TMEM132D: variants seen among roughly 807,000 people sequenced by gnomAD.
TMEM132D encodes the protein mature OL transmembrane protein.
A neutral mutation model predicts 62.3 loss-of-function variants in TMEM132D; 21 were observed. That is an observed-to-expected ratio of 0.34 (90% CI 0.24 to 0.49). The LOEUF (loss-of-function observed/expected upper bound fraction) is 0.49. TMEM132D is among the 20% of genes least tolerant of loss of function. The pLI, the probability that TMEM132D is intolerant of heterozygous loss-of-function variation, is 0.99. For missense variants in TMEM132D, 1,346 were observed against 1,402.8 expected (o/e 0.96, Z 0.65); for synonymous variants, 621 against 575.6 (o/e 1.08, Z -1.13).
rs567495467 is a variant in TMEM132D at position 129,514,485 on chromosome 12, C to T, written c.1115+16574G>A. On this transcript the variant is annotated intron_variant, in intron 3 of 8. Transcript: ENST00000422113. ...ATTGAAGGGCTAGATTTTTATGTTG[C>T]GTGTAGAGCACAGGGGATTCTTAGA... Among the ~76,000 whole-genome samples the T allele has an allele frequency of 1.4e-4, 22 of 152,258 alleles. No individual in the cohort carries two copies. In the South Asian group the frequency reaches 3.9e-3, roughly 27 times the overall value.
chr12:129,226,738 A>C (rs1879490030), intron 4 of TMEM132D, among the ~76,000 whole-genome samples: 1 of 152,154 alleles, frequency 6.6e-6, no homozygotes, highest in Non-Finnish European at 1.5e-5. Context: ...GTGAAGTTTG[A>C]ACAAACACAT....
At chr12:129,159,853 G>C (rs1300316129) in intron 5 of TMEM132D, among the ~76,000 whole-genome samples, 1 of 152,032 alleles carries the variant, frequency 6.6e-6, no homozygotes, top group South Asian at 2.1e-4. Context: ...GAGGGAGGCT[G>C]CCTCCTCCAC....
chr12:129,490,854 C>T (rs1033114300), intron 3 of TMEM132D, among the ~76,000 whole-genome samples: 25 of 151,850 alleles, frequency 1.6e-4, no homozygotes, highest in African/African-American at 6.0e-4. Context: ...TAGTCTGTGC[C>T]CCCGTTTGCC....
At chr12:129,421,637 C>A (rs1032434624) in intron 3 of TMEM132D, among the ~76,000 whole-genome samples, 3 of 152,194 alleles carry the variant, frequency 2.0e-5, no homozygotes, top group South Asian at 4.1e-4. Flanking sequence ...GCCCTGATGT[C>A]CTAATGTTGA....
At chr12:129,253,867 C>G (rs1346378928) in intron 4 of TMEM132D, among the ~76,000 whole-genome samples, 2 of 152,076 alleles carry the variant, frequency 1.3e-5, no homozygotes, top group East Asian at 1.9e-4. Context: ...AATACAGGCA[C>G]AGTAGCAAAA....
chr12:129,400,022 A>G (rs1364259128), intron 3 of TMEM132D, among the ~76,000 whole-genome samples: 1 of 152,128 alleles, frequency 6.6e-6, no homozygotes, highest in Admixed American at 6.5e-5. Context: ...CATTATGCAA[A>G]AAGAAAAATT....
intron 3 of TMEM132D, among the ~76,000 whole-genome samples, chr12:129,453,597 G>A (rs934123993): frequency 2.0e-5 from 3 of 152,208 alleles, no homozygotes; most frequent in African/African-American, 7.2e-5. Flanking sequence ...TTGTATTGAG[G>A]ATGTGCTGTC....
intron 3 of TMEM132D, among the ~76,000 whole-genome samples, chr12:129,357,366 GAA>G (rs1360919987): frequency 6.7e-6 from 1 of 148,820 alleles, no homozygotes; most frequent in Non-Finnish European, 1.5e-5. Flanking sequence ...AAGCAAGAGA[GAA>G]AGGAAGGAGG....
At chr12:129,805,173 C>T (rs1300337864) in intron 1 of TMEM132D, among the ~76,000 whole-genome samples, 3 of 151,518 alleles carry the variant, frequency 2.0e-5, no homozygotes, top group Non-Finnish European at 2.9e-5. Flanking sequence ...CCTTTCTTCA[C>T]AGAATTGGAA....
At position 129,284,834 on chromosome 12, in the gene TMEM132D, T is replaced by A. The variant is rs563279400; in HGVS notation, c.1299+52800A>T. On this transcript the variant is annotated intron_variant, in intron 4 of 8. Transcript: ENST00000422113. ...ACCAGACACAAAAGGTTGCATATTG[T>A]GTGATTCAATTTGTAGGAAATATCT... Among the ~76,000 whole-genome samples the A allele has an allele frequency of 1.1e-3, 167 of 152,324 alleles. 1 individual carries two copies. Among genetic ancestry groups the A allele is most frequent in the African/African-American group, 3.9e-3 (162 of 41,578 alleles).
In TMEM132D at chr12:129,867,241, C is replaced by CA. The variant is rs541859255; in HGVS notation, c.79+36019dup. On this transcript the variant is annotated intron_variant, in intron 1 of 8. Transcript: ENST00000422113. The surrounding 1 kb of genome is among the most constrained non-coding windows in gnomAD (Gnocchi z 4.5). ...TGCCACTGCACTCCAGCCTGGGTGA[C>CA]AGAGCCAGACTCTGTCTCAAAAAAA... 5.9e-4 allele frequency among the ~76,000 whole-genome samples: 89 copies of CA among 152,062 alleles called. No individual in the cohort carries two copies. Among genetic ancestry groups the CA allele is most frequent in the Admixed American group, 1.6e-3 (25 of 15,270 alleles).
intron 1 of TMEM132D, among the ~76,000 whole-genome samples, chr12:129,767,812 AC>A (rs1461198386): frequency 4.0e-4 from 61 of 152,322 alleles, no homozygotes; most frequent in African/African-American, 1.4e-3. Context: ...GCTGATAAAG[AC>A]ATAAAGATTT....
At chr12:129,601,369 C>T (rs1347123209) in intron 2 of TMEM132D, among the ~76,000 whole-genome samples, 1 of 152,230 alleles carries the variant, frequency 6.6e-6, no homozygotes, top group Non-Finnish European at 1.5e-5. Context: ...TTCTCCATAT[C>T]AGCAAGAAGG....
intron 3 of TMEM132D, among the ~76,000 whole-genome samples, chr12:129,451,579 C>T (rs1486253858): frequency 6.6e-6 from 1 of 152,050 alleles, no homozygotes; most frequent in Non-Finnish European, 1.5e-5. Context: ...TATGTGAAGC[C>T]AAAGACTAAA....
chr12:129,472,462 T>A (rs1277508853), intron 3 of TMEM132D, among the ~76,000 whole-genome samples: 2 of 152,070 alleles, frequency 1.3e-5, no homozygotes, highest in African/African-American at 4.8e-5. Context: ...GGGAGAGAAT[T>A]AGGATAAATA....
At chr12:129,678,160 G>A (rs890322327) in intron 2 of TMEM132D, among the ~76,000 whole-genome samples, 4 of 152,076 alleles carry the variant, frequency 2.6e-5, no homozygotes, top group Non-Finnish European at 4.4e-5. Context: ...GTGAACAAGT[G>A]TAAGAGTTTC....
Position 129,512,037 on chromosome 12 carries a change from GTTC to G in TMEM132D, c.1115+19019_1115+19021del, listed in dbSNP as rs143311627. Among the ~76,000 whole-genome samples the G allele has an allele frequency of 1.3e-3, 191 of 152,232 alleles. 3 individuals carry two copies. The East Asian group carries it at 0.033, about 26-fold the overall frequency. On this transcript the variant is annotated intron_variant, in intron 3 of 8. Coordinates refer to ENST00000422113, the MANE Select transcript of TMEM132D (RefSeq NM_133448.3). ...AGCTCTATGAAATGTAGGCATTTTTGTTCTTCTGTTTTTTGTTTTACCGTACAG... is the reference window on the plus strand; with the variant it reads ...AGCTCTATGAAATGTAGGCATTTTTGTTCTGTTTTTTGTTTTACCGTACAG...
chr12:129,284,257 C>A (rs1471811530), intron 4 of TMEM132D, among the ~76,000 whole-genome samples: 5 of 152,252 alleles, frequency 3.3e-5, no homozygotes, highest in African/African-American at 7.2e-5. Context: ...GGCCTTTAGA[C>A]CTTCAGGGAC....
At chr12:129,461,037 G>A (rs1363120921) in intron 3 of TMEM132D, among the ~76,000 whole-genome samples, 1 of 152,196 alleles carries the variant, frequency 6.6e-6, no homozygotes, top group East Asian at 1.9e-4. Context: ...CATGGGTATA[G>A]GTTCCCAGTA....
Sources: allele counts gnomAD v4.1 joint callset (sites outside exome capture counted in the v4.1 genomes callset), GRCh38; gene constraint gnomAD v4.1.1; non-coding constraint Gnocchi (gnomAD v3.1); transcripts MANE v1.5; gene names NCBI Gene and HGNC (gene_info 2026-07-23, HGNC 2026-07-21).